COL21A1: variants seen among roughly 807,000 people sequenced by gnomAD.
COL21A1 encodes the protein collagen type XXI alpha 1 chain.
A neutral mutation model predicts 137.9 loss-of-function variants in COL21A1; 149 were observed. That is an observed-to-expected ratio of 1.08 (90% CI 0.95 to 1.24). The LOEUF is 1.24. Among genes scored for constraint, COL21A1 ranks in the 50% most tolerant of loss-of-function variants. COL21A1 has a pLI of 0.00. For missense variants in COL21A1, 1,167 were observed against 1,158.4 expected, an observed-to-expected ratio of 1.01 and a Z score of -0.11; for synonymous variants, 456 against 391.5, an observed-to-expected ratio of 1.16 and a Z score of -1.95.
At chr6:56,125,403 T>TC (rs1772967019) in intron 14 of COL21A1, 164 bp downstream of exon 14, 2 of 448,544 alleles carry the variant, frequency 4.5e-6, no homozygotes, top group Admixed American at 4.1e-5. Flanking sequence ...AGTCACCAGC[T>TC]CTTTTTTTCT....
intron 1 of COL21A1, among the ~76,000 whole-genome samples, chr6:56,189,326 A>T (rs1778508461): frequency 6.6e-6 from 1 of 151,960 alleles, no homozygotes; most frequent in Non-Finnish European, 1.5e-5. Flanking sequence ...AAGCATAAAC[A>T]AGTATCAATA....
rs77455511 is a variant in COL21A1, at chr6:56,077,066, T to C, written c.1857+463A>G. 5.5e-3 allele frequency among the ~76,000 whole-genome samples: 832 copies of C among 151,530 alleles called. 12 individuals are homozygous for C. Among genetic ancestry groups the C allele is most frequent in the African/African-American group, 0.02 (810 of 41,454 alleles). ...TTAACAATGAAAGCCAAAAAAACCA[T>C]AGAAGAAAATCTTCAATTTACTAAG... On this transcript the variant is annotated intron_variant, in intron 18 of 29. Transcript: ENST00000244728.
At chr6:56,358,910 G>T (rs546346138) in intron 1 of COL21A1, among the ~76,000 whole-genome samples, 1 of 151,998 alleles carries the variant, frequency 6.6e-6, no homozygotes. Flanking sequence ...GTATAATGTG[G>T]TGTATTTTCC....
intron 5 of COL21A1, among the ~76,000 whole-genome samples, chr6:56,169,440 T>C (rs1776852274): frequency 6.6e-6 from 1 of 151,958 alleles, no homozygotes; most frequent in South Asian, 2.1e-4. Flanking sequence ...GTCAAGACCT[T>C]TTGATGAAAC....
intron 2 of COL21A1, among the ~76,000 whole-genome samples, chr6:56,182,188 A>G (rs1321927038): frequency 6.6e-6 from 1 of 152,194 alleles, no homozygotes; most frequent in Non-Finnish European, 1.5e-5. Flanking sequence ...AGCCTTTGAC[A>G]TGCATTATCT....
At chr6:56,276,685 C>CA in intron 1 of COL21A1, 1 of 1,439,726 alleles carries the variant, frequency 6.9e-7, no homozygotes, top group Non-Finnish European at 9.8e-7. Context: ...ATCCTTGTCA[C>CA]AAATAGTTTA....
At chr6:56,306,630 A>C (rs1390171450) in intron 1 of COL21A1, among the ~76,000 whole-genome samples, 1 of 151,970 alleles carries the variant, frequency 6.6e-6, no homozygotes, top group African/African-American at 2.4e-5. Flanking sequence ...TTAGCCATTT[A>C]TCTAATTTTT....
chr6:56,260,213 T>A (rs1288042799), intron 1 of COL21A1, among the ~76,000 whole-genome samples: 1 of 152,176 alleles, frequency 6.6e-6, no homozygotes, highest in Non-Finnish European at 1.5e-5. Context: ...TCTGTAACCA[T>A]GGACTTAACT....
Position 56,240,038 on chromosome 6 carries a change from A to G in COL21A1, c.-39+7349T>C, listed in dbSNP as rs1226011200. Among the ~76,000 whole-genome samples, 5 of 152,112 alleles carry G rather than the reference A, an allele frequency of 3.3e-5. No homozygotes were observed. The East Asian group carries it at 9.7e-4, about 29-fold the overall frequency. ...GTCTCAGGAATCTGATGGTATTGTA[A>G]GGGGAAACCCCTTCCGCTTGGCTCT... On this transcript the variant is annotated intron_variant, in intron 1 of 29. Coordinates refer to ENST00000244728, the MANE Select transcript of COL21A1 (RefSeq NM_030820.4).
chr6:56,293,208 T>C (rs145367795), intron 1 of COL21A1, among the ~76,000 whole-genome samples: 1 of 152,288 alleles, frequency 6.6e-6, no homozygotes, highest in Non-Finnish European at 1.5e-5. Flanking sequence ...TGAAATAAAA[T>C]TAAGTAATGT....
At chr6:56,172,555 T>C (rs912900558) in intron 3 of COL21A1, among the ~76,000 whole-genome samples, 1 of 152,148 alleles carries the variant, frequency 6.6e-6, no homozygotes, top group African/African-American at 2.4e-5. Context: ...CAAACAGAAG[T>C]ATACTAATCA....
intron 1 of COL21A1, among the ~76,000 whole-genome samples, chr6:56,303,147 T>G (rs1401200499): frequency 6.6e-6 from 1 of 152,236 alleles, no homozygotes; most frequent in East Asian, 1.9e-4. Flanking sequence ...GTAGTATAGT[T>G]TGAAGTCAGG....
Position 56,179,635 on chromosome 6 carries a change from C to A in COL21A1, c.583G>T (p.Glu195Ter). The part of the protein sequence containing the change: ...KPSSTYVFYV[E>*]DYIAISKIRE... ...ATTTTGGATATTGCAATATAGTCTT[C>A]CACATAAAACACATAAGTAGACGAA... Residue 195 changes from glutamate (E) to a stop codon, truncating the protein, a stop_gained, in exon 3 of 30, where the codon GAA becomes TAA. Coordinates refer to ENST00000244728, the MANE Select transcript of COL21A1 (RefSeq NM_030820.4). LOFTEE classifies it high-confidence loss of function. The A allele has an allele frequency of 6.2e-7, 1 of 1,613,814 alleles. No homozygotes were observed. The highest frequency in any genetic ancestry group is 1.6e-4 in the Middle Eastern group (1 of 6,062).
intron 1 of COL21A1, among the ~76,000 whole-genome samples, chr6:56,285,737 C>T (rs1582756432): frequency 6.6e-6 from 1 of 152,188 alleles, no homozygotes; most frequent in African/African-American, 2.4e-5. Flanking sequence ...AAATCAAAGT[C>T]CTCTTCCCAC....
At chr6:56,305,179 T>A (rs6459145) in intron 1 of COL21A1, among the ~76,000 whole-genome samples, 54 of 151,964 alleles carry the variant, frequency 3.6e-4, no homozygotes, top group South Asian at 2.1e-4. Flanking sequence ...GGAATAAGTG[T>A]GGTGTGGTGC....
intron 19 of COL21A1, 117 bp downstream of exon 19, chr6:56,075,362 T>A: frequency 2.8e-6 from 2 of 724,166 alleles, no homozygotes; most frequent in Non-Finnish European, 2.2e-6. Flanking sequence ...TTCATGGACC[T>A]CAAATATTTT....
chr6:56,064,692 C>A, intron 23 of COL21A1, 70 bp from the exon 24 acceptor site: 1 of 922,048 alleles, frequency 1.1e-6, no homozygotes, highest in East Asian at 2.8e-5. Context: ...GCAATACAAA[C>A]TATGTATTAC....
chr6:56,170,281 T>C (rs1391111897), intron 5 of COL21A1, among the ~76,000 whole-genome samples: 1 of 151,906 alleles, frequency 6.6e-6, no homozygotes, highest in East Asian at 1.9e-4. Context: ...GACCAAAATT[T>C]AATTCCTGAT....
At position 56,096,283 on chromosome 6, in the gene COL21A1, T is replaced by G. The variant is rs574733804; in HGVS notation, c.1812+5189A>C. Among the ~76,000 whole-genome samples the G allele has an allele frequency of 2.0e-5, 3 of 152,358 alleles. 1 individual carries two copies. In the South Asian group the frequency reaches 6.2e-4, roughly 32 times the overall value. Reference sequence around the variant, plus strand: ...CCATTCATACTGTGTTGCCATCTATTGGCTCATTTGACTCCTTGATGGCCA... The same window carrying G: ...CCATTCATACTGTGTTGCCATCTATGGGCTCATTTGACTCCTTGATGGCCA... On this transcript the variant is annotated intron_variant, in intron 17 of 29. Coordinates refer to ENST00000244728, the MANE Select transcript of COL21A1 (RefSeq NM_030820.4).
Sources: allele counts gnomAD v4.1 joint callset (sites outside exome capture counted in the v4.1 genomes callset), GRCh38; gene constraint gnomAD v4.1.1; transcripts MANE v1.5; gene names NCBI Gene and HGNC (gene_info 2026-07-23, HGNC 2026-07-21).